MAGI2: variants seen among roughly 807,000 people sequenced by gnomAD.
MAGI2 encodes membrane-associated guanylate kinase, WW and PDZ domain-containing protein 2.
In MAGI2, 35 loss-of-function variants were observed where a neutral mutation model predicts 133.3. The ratio of observed to expected loss-of-function variants is 0.26; its 90% CI spans 0.20 to 0.35. The LOEUF (loss-of-function observed/expected upper bound fraction) is 0.35, where lower values mean the gene tolerates loss of function less well. MAGI2 is among the 10% of genes least tolerant of loss of function. MAGI2 has a pLI of 1.00. For missense variants in MAGI2, 1,636 were observed against 1,863.4 expected (o/e 0.88, Z 2.25); for synonymous variants, 729 against 710.6 (o/e 1.03, Z -0.41).
Position 78,731,873 on chromosome 7 carries a change from C to T in MAGI2, c.419-104634G>A, listed in dbSNP as rs181789509. On this transcript the variant is annotated intron_variant, in intron 2 of 21. Transcript: ENST00000354212. ...GACAAAAGTCATACACCTTCTTCTGCATACGTGTACTCACACAGTTGAATG... is the reference window on the plus strand; with the variant it reads ...GACAAAAGTCATACACCTTCTTCTGTATACGTGTACTCACACAGTTGAATG... 4.6e-5 allele frequency among the ~76,000 whole-genome samples: 7 copies of T among 152,288 alleles called. No individual in the cohort carries two copies. In the East Asian group the frequency reaches 1.4e-3, roughly 29 times the overall value.
intron 3 of MAGI2, among the ~76,000 whole-genome samples, chr7:78,541,128 C>T (rs1200531259): frequency 6.6e-6 from 1 of 152,200 alleles, no homozygotes; most frequent in Non-Finnish European, 1.5e-5. Flanking sequence ...CATTTATTTT[C>T]CTTCCCTGAT....
At chr7:78,342,958 T>C (rs766886831) in intron 9 of MAGI2, among the ~76,000 whole-genome samples, 28 of 152,140 alleles carry the variant, frequency 1.8e-4, no homozygotes, top group Non-Finnish European at 4.0e-4. Flanking sequence ...TAAAGCATAA[T>C]TTAAAAAAAT....
At chr7:79,135,985 A>AAG (rs1562928620) in intron 1 of MAGI2, among the ~76,000 whole-genome samples, 20 of 42,088 alleles carry the variant, frequency 4.8e-4, no homozygotes, top group African/African-American at 8.2e-4. Flanking sequence ...GAAAGAAAGA[A>AAG]AGAAAGAAAG....
chr7:78,724,734 C>G (rs375103997), intron 2 of MAGI2, among the ~76,000 whole-genome samples: 11 of 152,236 alleles, frequency 7.2e-5, no homozygotes, highest in African/African-American at 2.6e-4. Flanking sequence ...GAGACATGTA[C>G]CCTGAGATAT....
At chr7:78,324,810 C>T (rs550133174) in intron 9 of MAGI2, among the ~76,000 whole-genome samples, 1 of 151,920 alleles carries the variant, frequency 6.6e-6, no homozygotes, top group Non-Finnish European at 1.5e-5. Context: ...AAAACAACAA[C>T]AAAAAACTAG....
chr7:78,582,241 C>G (rs551112333), intron 3 of MAGI2, among the ~76,000 whole-genome samples: 1 of 152,280 alleles, frequency 6.6e-6, no homozygotes, highest in South Asian at 2.1e-4. Flanking sequence ...TGCCCCTCAA[C>G]CAGTCTTCAG....
intron 2 of MAGI2, among the ~76,000 whole-genome samples, chr7:78,917,122 T>C (rs1798865507): frequency 6.6e-6 from 1 of 152,042 alleles, no homozygotes; most frequent in Non-Finnish European, 1.5e-5. Flanking sequence ...ATTGGCACAA[T>C]GTCAAATATC....
At chr7:78,736,627 T>C (rs972325331) in intron 2 of MAGI2, among the ~76,000 whole-genome samples, 1 of 152,138 alleles carries the variant, frequency 6.6e-6, no homozygotes, top group Non-Finnish European at 1.5e-5. Flanking sequence ...ATAGTATTAA[T>C]ACTAATACTT....
intron 1 of MAGI2, among the ~76,000 whole-genome samples, chr7:79,032,789 T>C (rs1049906956): frequency 6.6e-6 from 1 of 151,738 alleles, no homozygotes; most frequent in African/African-American, 2.4e-5. Flanking sequence ...ATGTAGGAAT[T>C]TCATCAGTTT....
intron 2 of MAGI2, among the ~76,000 whole-genome samples, chr7:78,674,895 A>G (rs992975263): frequency 1.3e-5 from 2 of 152,190 alleles, no homozygotes; most frequent in African/African-American, 4.8e-5. Context: ...GAAAAAAGTG[A>G]TTTGGCATTC....
chr7:78,501,727 T>C lies in MAGI2; in HGVS notation c.815A>G (p.Tyr272Cys). Residue 272 changes from tyrosine (Y) to cysteine (C), a missense_variant, in exon 5 of 22, where the codon TAT (tyrosine) becomes TGT (cysteine). By Grantham distance (194) the Tyr-to-Cys change is radical. This residue lies in a region of MAGI2 where 165 missense variants were observed against 128.4 expected (regional missense o/e 1.28). Coordinates refer to ENST00000354212, the MANE Select transcript of MAGI2 (RefSeq NM_012301.4). ...AGGCTGACTGTACACTGGTGCAGGATAAGGCTGGGAGGGCATCTCCCCTGA... is the reference window on the plus strand; with the variant it reads ...AGGCTGACTGTACACTGGTGCAGGACAAGGCTGGGAGGGCATCTCCCCTGA... ...GASGEMPSQP[Y>C]PAPVYSQPEE... 6.2e-7 allele frequency: 1 copy of C among 1,614,126 alleles called. No homozygotes were observed. Among genetic ancestry groups the C allele is most frequent in the Non-Finnish European group, 8.5e-7 (1 of 1,180,014 alleles).
At chr7:78,538,837 T>C (rs952352000) in intron 3 of MAGI2, among the ~76,000 whole-genome samples, 2 of 152,138 alleles carry the variant, frequency 1.3e-5, no homozygotes, top group Admixed American at 1.3e-4. Context: ...CCTTTATTTC[T>C]TTCTCTTGTT....
chr7:79,418,847 ACACACACACACACACACACACG>A (rs2129177731), intron 1 of MAGI2, among the ~76,000 whole-genome samples: 1 of 89,896 alleles, frequency 1.1e-5, no homozygotes, highest in African/African-American at 9.7e-5. Context: ...ACACACACAC[ACACACACACACACACACACACG>A]CACACACACA....
At chr7:78,992,280 A>G (rs1269411340) in intron 2 of MAGI2, among the ~76,000 whole-genome samples, 1 of 152,046 alleles carries the variant, frequency 6.6e-6, no homozygotes, top group Non-Finnish European at 1.5e-5. Context: ...TGAACTTGCA[A>G]TAAAGATACA....
intron 7 of MAGI2, among the ~76,000 whole-genome samples, chr7:78,348,940 A>G (rs1381353680): frequency 2.0e-5 from 3 of 152,226 alleles, no homozygotes; most frequent in Non-Finnish European, 2.9e-5. Context: ...GAAACCAATT[A>G]TACTATTAAG....
chr7:78,649,237 A>AAAAAAAAAAAAAAAAAAAAAAAAG (rs1563294737), intron 2 of MAGI2, among the ~76,000 whole-genome samples: 14 of 65,474 alleles, frequency 2.1e-4, no homozygotes, highest in Non-Finnish European at 2.8e-4. Context: ...AAAAAAAAAG[A>AAAAAAAAAAAAAAAAAAAAAAAAG]AAAAAAAAGA....
intron 2 of MAGI2, among the ~76,000 whole-genome samples, chr7:78,866,089 G>C (rs767082265): frequency 5.3e-5 from 8 of 152,212 alleles, no homozygotes; most frequent in Non-Finnish European, 1.0e-4. Context: ...TAATTTAATT[G>C]AAGTCCAGAA....
At chr7:78,800,950 GA>G (rs1460501993) in intron 2 of MAGI2, among the ~76,000 whole-genome samples, 1 of 152,018 alleles carries the variant, frequency 6.6e-6, no homozygotes, top group Non-Finnish European at 1.5e-5. Flanking sequence ...AAAGAAATAA[GA>G]ATATAAAAAT....
chr7:78,928,536 C>T (rs1307993475), intron 2 of MAGI2, among the ~76,000 whole-genome samples: 1 of 152,012 alleles, frequency 6.6e-6, no homozygotes, highest in Non-Finnish European at 1.5e-5. Context: ...CCAGGGACTG[C>T]TGTCTCACCC....
Sources: gnomAD v4.1 joint callset for allele counts (sites outside exome capture counted in the v4.1 genomes callset) on GRCh38, gnomAD v4.1.1 for gene constraint, gnomAD v4.1.1 regional missense constraint, MANE v1.5 for transcripts, NCBI Gene and HGNC (gene_info 2026-07-23, HGNC 2026-07-21) for gene names.